Variants in FGF12 observed in about 807,000 individuals in gnomAD.
The protein encoded by FGF12 is fibroblast growth factor 12.
In FGF12, 14 loss-of-function variants were observed where a neutral mutation model predicts 23.6. That is an observed-to-expected ratio of 0.59 (90% CI 0.39 to 0.93). The LOEUF (loss-of-function observed/expected upper bound fraction) is 0.93, where lower values mean the gene tolerates loss of function less well. Ranked by LOEUF, FGF12 falls within the 40% of genes least tolerant of loss-of-function variation. The probability of loss-of-function intolerance (pLI) is 0.00; values close to 1 mark genes in which losing one functional copy is unlikely to be tolerated. For synonymous variants in FGF12, 62 were observed against 77.3 expected (o/e 0.80, Z 1.04); for missense variants, 175 against 217.8 (o/e 0.80, Z 1.24).
intron 4 of FGF12, among the ~76,000 whole-genome samples, chr3:192,224,145 A>G (rs1371732375): frequency 6.6e-6 from 1 of 152,160 alleles, no homozygotes; most frequent in Non-Finnish European, 1.5e-5. Context: ...CATTATTACT[A>G]CTAGACAAAC....
At chr3:192,533,856 A>G (rs1201177126) in intron 2 of FGF12, among the ~76,000 whole-genome samples, 1 of 152,144 alleles carries the variant, frequency 6.6e-6, no homozygotes, top group Non-Finnish European at 1.5e-5. Context: ...CTGGCAGTGT[A>G]TTTTTCCTCA....
intron 3 of FGF12, among the ~76,000 whole-genome samples, chr3:192,344,002 G>A (rs1244634439): frequency 2.8e-5 from 4 of 142,792 alleles, no homozygotes; most frequent in African/African-American, 1.0e-4. Flanking sequence ...ATTTAATGAG[G>A]TTGCAATTTT....
At chr3:192,379,348 T>G in intron 2 of FGF12, among the ~76,000 whole-genome samples, 1 of 150,600 alleles carries the variant, frequency 6.6e-6, no homozygotes, top group South Asian at 2.1e-4. Context: ...AAATTGTCAC[T>G]GTGTATAGGG....
chr3:192,595,970 G>A (rs1032669121), intron 2 of FGF12, among the ~76,000 whole-genome samples: 3 of 151,516 alleles, frequency 2.0e-5, no homozygotes, highest in African/African-American at 4.8e-5. Context: ...GTGCACGCCT[G>A]TAGTCCCAGC....
At chr3:192,590,225 T>C (rs1713562602) in intron 2 of FGF12, among the ~76,000 whole-genome samples, 1 of 151,872 alleles carries the variant, frequency 6.6e-6, no homozygotes, top group Admixed American at 6.6e-5. Flanking sequence ...AGAACCAGTA[T>C]ATGTATGGAA....
intron 5 of FGF12, among the ~76,000 whole-genome samples, chr3:192,167,769 A>ATATATATCTATAT (rs1553845519): frequency 2.6e-5 from 1 of 38,842 alleles, no homozygotes; most frequent in African/African-American, 1.4e-4. Context: ...ATATATATAT[A>ATATATATCTATAT]AAATTTTTTT....
chr3:192,656,713 C>T (rs1716441804), intron 2 of FGF12, among the ~76,000 whole-genome samples: 1 of 152,150 alleles, frequency 6.6e-6, no homozygotes, highest in African/African-American at 2.4e-5. Flanking sequence ...CCAATGTTGA[C>T]AGTCTTTTAG....
chr3:192,212,195 TG>T (rs548706781), intron 4 of FGF12, among the ~76,000 whole-genome samples: 11 of 152,202 alleles, frequency 7.2e-5, no homozygotes, highest in Admixed American at 1.3e-4. Context: ...TGCAAACCGC[TG>T]AGTTGTTGCC....
chr3:192,358,545 T>C (rs1451020003), intron 3 of FGF12, among the ~76,000 whole-genome samples: 2 of 152,062 alleles, frequency 1.3e-5, no homozygotes, highest in South Asian at 2.1e-4. Context: ...TATATATGCA[T>C]GGAGGAAGGT....
intron 2 of FGF12, among the ~76,000 whole-genome samples, chr3:192,613,025 T>C (rs1408716151): frequency 1.3e-5 from 2 of 151,658 alleles, no homozygotes; most frequent in African/African-American, 4.8e-5. Flanking sequence ...TGGTGACCTT[T>C]CCCTGCTCAT....
chr3:192,642,245 C>T (rs1715833154), intron 2 of FGF12, among the ~76,000 whole-genome samples: 1 of 152,156 alleles, frequency 6.6e-6, no homozygotes, highest in Admixed American at 6.5e-5. Context: ...CATGAGGAGC[C>T]CATGGAAATA....
chr3:192,474,130 G>T (rs1437918435), intron 2 of FGF12, among the ~76,000 whole-genome samples: 1 of 152,134 alleles, frequency 6.6e-6, no homozygotes, highest in Non-Finnish European at 1.5e-5. Context: ...ATATCATATT[G>T]CCTTTTTATA....
At chr3:192,340,470 T>C (rs998697608) in intron 3 of FGF12, among the ~76,000 whole-genome samples, 1 of 152,102 alleles carries the variant, frequency 6.6e-6, no homozygotes. Flanking sequence ...CAGTAAACAT[T>C]TGCAGACTAA....
At chr3:192,487,777 T>A (rs962467500) in intron 2 of FGF12, among the ~76,000 whole-genome samples, 3 of 152,282 alleles carry the variant, frequency 2.0e-5, no homozygotes, top group East Asian at 3.9e-4. Flanking sequence ...TTTACTCTCA[T>A]CTGCCTGGAA....
At chr3:192,253,967 T>A (rs562452841) in intron 4 of FGF12, among the ~76,000 whole-genome samples, 5 of 152,058 alleles carry the variant, frequency 3.3e-5, no homozygotes, top group Non-Finnish European at 7.4e-5. Context: ...GAAATATATA[T>A]ACATTGTTGA....
chr3:192,210,919 G>C (rs751142109), intron 4 of FGF12, among the ~76,000 whole-genome samples: 1 of 152,198 alleles, frequency 6.6e-6, no homozygotes, highest in Non-Finnish European at 1.5e-5. Context: ...GCAACGAGAA[G>C]AACAACAGGA....
At chr3:192,640,602 G>T in intron 2 of FGF12, among the ~76,000 whole-genome samples, 1 of 152,160 alleles carries the variant, frequency 6.6e-6, no homozygotes. Context: ...TGGCCTGCCA[G>T]TGTCCACACA....
intron 2 of FGF12, among the ~76,000 whole-genome samples, chr3:192,638,378 A>C (rs1318115026): frequency 8.5e-5 from 13 of 152,188 alleles, no homozygotes; most frequent in Admixed American, 8.5e-4. Flanking sequence ...TTTTTATAGC[A>C]ATGATGATGT....
chr3:192,561,184 A>C (rs981613312), intron 2 of FGF12, among the ~76,000 whole-genome samples: 2 of 152,264 alleles, frequency 1.3e-5, no homozygotes, highest in Non-Finnish European at 1.5e-5. Context: ...ACAGCTATAT[A>C]CACAAACACA....
Sources: gnomAD v4.1 joint callset for allele counts (sites outside exome capture counted in the v4.1 genomes callset) on GRCh38, gnomAD v4.1.1 for gene constraint, MANE v1.5 for transcripts, NCBI Gene and HGNC (gene_info 2026-07-23, HGNC 2026-07-21) for gene names.